HDAC10: variants seen among roughly 807,000 people sequenced by gnomAD.
HDAC10 encodes histone deacetylase 10.
Under a neutral mutation model 82.3 loss-of-function variants are expected in HDAC10, and 90 were observed. The observed-to-expected ratio is 1.09, with a 90% CI of 0.92 to 1.30. The LOEUF (loss-of-function observed/expected upper bound fraction) is 1.30. HDAC10 is among the 50% of genes most tolerant of loss of function. HDAC10 has a pLI of 0.00. For synonymous variants in HDAC10, 456 were observed against 391.7 expected (o/e 1.16, Z -1.94); for missense variants, 934 against 876.3 (o/e 1.07, Z -0.83).
Position 50,246,980 on chromosome 22 carries a change from A to G in HDAC10, c.1423-14T>C, listed in dbSNP as rs772081835. On this transcript the variant is annotated splice_polypyrimidine_tract_variant and intron_variant, in intron 14 of 19. Transcript: ENST00000216271. Reference sequence around the variant, plus strand: ...ACCACTGTTCACCTGTGGGATGAATAAACAGTGGAGAATGAGGCACCAACC... The same window carrying G: ...ACCACTGTTCACCTGTGGGATGAATGAACAGTGGAGAATGAGGCACCAACC... The G allele has an allele frequency of 6.4e-7, 1 of 1,563,014 alleles. No homozygotes were observed. The highest frequency in any genetic ancestry group is 8.7e-7 in the Non-Finnish European group (1 of 1,144,726).
At position 50,250,651 on chromosome 22, in the gene HDAC10, A is replaced by G; in HGVS notation, c.194+120T>C. 1.1e-5 allele frequency: 14 copies of G among 1,324,560 alleles called. 1 individual carries two copies. In the South Asian group the frequency reaches 1.9e-4, roughly 18 times the overall value. 82.1% of individuals were successfully genotyped at this position (1,324,560 alleles called of 1,614,324 possible). On this transcript the variant is annotated intron_variant, in intron 2 of 19. Transcript: ENST00000216271. ...TTCCTCAAGCCTGTGAGCCCACCCG[A>G]GGTGCATAGGGAGAGGCTCTGTATT...
chr22:50,248,981 A>G lies in HDAC10; in HGVS notation c.757-91T>C. 6.8e-7 allele frequency: 1 copy of G among 1,475,450 alleles called. No homozygotes were observed. The highest frequency in any genetic ancestry group is 1.9e-5 in the Admixed American group (1 of 52,286). 91.4% of individuals were successfully genotyped at this position (1,475,450 alleles called of 1,614,324 possible). A position where few individuals can be genotyped will look rare whatever the true frequency, so the allele number is the denominator to read the frequency against. ...AGGCCCATCCCATCCCCTCCTGAGC[A>G]CCTTCCCCAGCCACACAGGAGTGGG... On this transcript the variant is annotated intron_variant, in intron 8 of 19. Coordinates refer to ENST00000216271, the MANE Select transcript of HDAC10 (RefSeq NM_032019.6). The surrounding 1 kb of genome is among the most constrained non-coding windows in gnomAD (Gnocchi z 5.4).
chr22:50,248,721 C>T lies in HDAC10; in HGVS notation c.847G>A (p.Ala283Thr), dbSNP rs1236390633. The T allele has an allele frequency of 1.5e-5, 23 of 1,566,504 alleles. No homozygotes were observed. The highest frequency in any genetic ancestry group is 2.3e-5 in the East Asian group (1 of 43,094). Residue 283 changes from alanine (A) to threonine (T), a missense_variant, in exon 10 of 20, where the codon GCC becomes ACC. Transcript: ENST00000216271. This position sits in a 1 kb window ranked among gnomAD's most constrained non-coding sequence, Gnocchi z 5.4. ...GQMQATPECF[A>T]HLTQLLQVLA... ...ACCTGCAGCAGCTGTGTGAGGTGGG[C>T]GAAGCACTCTGGCGTGGCCTGCATT...
In HDAC10 at chr22:50,250,886, G is replaced by A; in HGVS notation, c.79C>T (p.Arg27Cys). ...LWDDPECEIE[R>C]PERLTAALDR... ...AGGGCTGCGGTCAGGCGCTCAGGAC[G>A]CTCGATCTCGCACTCGGGGCTGGGG... Residue 27 changes from arginine to cysteine, a missense_variant, in exon 2 of 20, where the codon CGT becomes TGT. Physicochemically the swap from Arg to Cys is radical, Grantham distance 180. Transcript: ENST00000216271. 1.2e-6 allele frequency: 2 copies of A among 1,601,378 alleles called. No homozygotes were observed. The highest frequency in any genetic ancestry group is 1.7e-6 in the Non-Finnish European group (2 of 1,174,252).
Position 50,245,859 on chromosome 22 carries a change from T to C in HDAC10, c.1834-32A>G, listed in dbSNP as rs773389854. 10 of 1,555,916 alleles carry C rather than the reference T, an allele frequency of 6.4e-6. No individual in the cohort carries two copies. Among genetic ancestry groups the C allele is most frequent in the Non-Finnish European group, 8.7e-6 (10 of 1,149,430 alleles). ...CAGGGGCGAAGACGGAAGCAGTCAC[T>C]GGTCCTTTCCCTCGTCCCACCCCGC... is the stretch of plus-strand genomic sequence containing the variant. On this transcript the variant is annotated intron_variant, in intron 18 of 19. Transcript: ENST00000216271.
chr22:50,249,228 G>GA lies in HDAC10; in HGVS notation c.691-61_691-60insT. On this transcript the variant is annotated intron_variant, in intron 7 of 19. Transcript: ENST00000216271. The surrounding 1 kb of genome is among the most constrained non-coding windows in gnomAD (Gnocchi z 4.4). Reference sequence around the variant, plus strand: ...GGGGCAGGGGAGGGGCCCGGGGGAGGGGGTGGGTGGGGACCTGGGGCTTGA... The same window carrying GA: ...GGGGCAGGGGAGGGGCCCGGGGGAGGAGGGTGGGTGGGGACCTGGGGCTTGA... 7.4e-7 allele frequency: 1 copy of GA among 1,349,256 alleles called. No individual in the cohort carries two copies. 83.6% of individuals were successfully genotyped at this position (1,349,256 alleles called of 1,614,324 possible).
Position 50,249,003 on chromosome 22 carries a change from T to C in HDAC10, c.756+100A>G. 7.0e-7 allele frequency: 1 copy of C among 1,437,902 alleles called. No homozygotes were observed. Among genetic ancestry groups the C allele is most frequent in the Non-Finnish European group, 9.6e-7 (1 of 1,042,004 alleles). 89.1% of individuals were successfully genotyped at this position (1,437,902 alleles called of 1,614,324 possible). On this transcript the variant is annotated intron_variant, in intron 8 of 19. Transcript: ENST00000216271. The surrounding 1 kb of genome is among the most constrained non-coding windows in gnomAD (Gnocchi z 4.4). Reference sequence around the variant, plus strand: ...AGCACCTTCCCCAGCCACACAGGAGTGGGACAGCTCATAACCCTCCTCCTG... The same window carrying C: ...AGCACCTTCCCCAGCCACACAGGAGCGGGACAGCTCATAACCCTCCTCCTG...
Position 50,251,006 on chromosome 22 carries a change from C to T in HDAC10, c.27G>A (p.Glu9=), listed in dbSNP as rs988481660. The T allele has an allele frequency of 2.5e-6, 4 of 1,612,418 alleles. No individual in the cohort carries two copies. Among genetic ancestry groups the T allele is most frequent in the Non-Finnish European group, 3.4e-6 (4 of 1,179,720 alleles). The change falls in exon 1 of 20, where the codon GAG becomes GAA. Residue 9 remains glutamate (E), a synonymous_variant. Transcript: ENST00000216271. MGTALVYH[E]DMTATRLLWD... ...AGAGCAGCCGGGTGGCCGTCATGTC[C>T]TCATGGTACACAAGCGCGGTCCCCA...
At chr22:50,245,649 G>C (rs779358377) in intron 19 of HDAC10, 26 bp downstream of exon 19, 34 of 1,612,546 alleles carry the variant, frequency 2.1e-5, no homozygotes, top group Non-Finnish European at 2.9e-5. Context: ...CCCAGGGCAG[G>C]GCCATGCCTC....
intron 19 of HDAC10, 43 bp from the exon 20 acceptor site, chr22:50,245,573 G>C (rs751598170): frequency 6.9e-7 from 1 of 1,455,400 alleles, no homozygotes. Context: ...GGCCTCCGGC[G>C]CTGGAGCTGG....
rs138919111 is a variant in HDAC10, at chr22:50,246,086, C to T, written c.1657G>A (p.Gly553Ser). The T allele has an allele frequency of 4.3e-4, 697 of 1,604,650 alleles. 4 individuals are homozygous for T. The African/African-American group carries it at 7.2e-3, about 17-fold the overall frequency. ...HVSTPLPVMTGGFLSCILGLV... is the reference protein window; with the variant it reads ...HVSTPLPVMTSGFLSCILGLV... The stretch of plus-strand genomic sequence containing the variant: ...CCCAAGATGCAGCTCAGGAAACCAC[C>T]GGTCATCTGTGGGGACAGCAGAGCC... Residue 553 changes from glycine to serine, a missense_variant, in exon 18 of 20, where the codon GGT (glycine) becomes AGT (serine). Transcript: ENST00000216271.
chr22:50,245,246 G>A lies in HDAC10; in HGVS notation c.*261C>T, dbSNP rs1207745626. 33 of 577,796 alleles carry A rather than the reference G, an allele frequency of 5.7e-5. No individual in the cohort carries two copies. The South Asian group carries it at 6.5e-4, about 11-fold the overall frequency. 35.8% of individuals were successfully genotyped at this position (577,796 alleles called of 1,614,324 possible). On this transcript the variant is annotated 3_prime_UTR_variant, in exon 20 of 20. Coordinates refer to ENST00000216271, the MANE Select transcript of HDAC10 (RefSeq NM_032019.6). ...GGAGCGAAGCGCAGCGGGGCGCAGG[G>A]GCCGGAACGGGACCGAGCGTGGGTT...
In HDAC10 at chr22:50,249,044, TC is replaced by T. The variant is rs1374388007; in HGVS notation, c.756+58del. On this transcript the variant is annotated intron_variant, in intron 8 of 19. Transcript: ENST00000216271. This position sits in a 1 kb window ranked among gnomAD's most constrained non-coding sequence, Gnocchi z 4.4. Reference sequence around the variant, plus strand: ...CCTCCTCCTGCCTTCACTGGCGCACTCCAGGCACAAGGTCCCCCTCCCACCC... The same window carrying T: ...CCTCCTCCTGCCTTCACTGGCGCACTCAGGCACAAGGTCCCCCTCCCACCC... 6 of 1,490,660 alleles carry T rather than the reference TC, an allele frequency of 4.0e-6. No individual in the cohort carries two copies. Among genetic ancestry groups the T allele is most frequent in the Non-Finnish European group, 5.5e-6 (6 of 1,089,904 alleles). 92.3% of individuals were successfully genotyped at this position (1,490,660 alleles called of 1,614,324 possible).
chr22:50,248,842 C>A lies in HDAC10; in HGVS notation c.805G>T (p.Gly269Trp). ...LVSAGFDSAI[G>W]DPEGQMQATP... ...GGCAAGGCCCTCACCTCAGGGTCCC[C>A]GATGGCTGAGTCAAATCCTGCCGAG... Residue 269 changes from glycine (G) to tryptophan (W), a missense_variant, in exon 9 of 20, where the codon GGG becomes TGG. Physicochemically the swap from Gly to Trp is radical, Grantham distance 184 (BLOSUM62 -2). Coordinates refer to ENST00000216271, the MANE Select transcript of HDAC10 (RefSeq NM_032019.6). This position sits in a 1 kb window ranked among gnomAD's most constrained non-coding sequence, Gnocchi z 5.4. The A allele has an allele frequency of 1.2e-6, 2 of 1,610,936 alleles. No individual in the cohort carries two copies. Among genetic ancestry groups the A allele is most frequent in the Non-Finnish European group, 1.7e-6 (2 of 1,179,186 alleles).
Position 50,248,494 on chromosome 22 carries a change from G to GA in HDAC10, c.907-23dup. ...CGCCCTGGGAGGAGGGTGGAGACAT[G>GA]ATTGGGGCAGAGATATCACTGGGAT... On this transcript the variant is annotated intron_variant, in intron 10 of 19. Coordinates refer to ENST00000216271, the MANE Select transcript of HDAC10 (RefSeq NM_032019.6). The surrounding 1 kb of genome is among the most constrained non-coding windows in gnomAD (Gnocchi z 5.4). 3 of 1,592,836 alleles carry GA rather than the reference G, an allele frequency of 1.9e-6. No homozygotes were observed. Among genetic ancestry groups the GA allele is most frequent in the Non-Finnish European group, 2.6e-6 (3 of 1,172,856 alleles).
At position 50,245,545 on chromosome 22, in the gene HDAC10, G is replaced by A. The variant is rs1002016040; in HGVS notation, c.1987-15C>T. The A allele has an allele frequency of 1.8e-5, 21 of 1,138,036 alleles. No individual in the cohort carries two copies. In the Admixed American group the frequency reaches 2.0e-4, roughly 11 times the overall value. 70.5% of individuals were successfully genotyped at this position (1,138,036 alleles called of 1,614,324 possible). ...TGAGGATGGCACTACAGGAGGAGCC[G>A]AGAAGAGGCGCGCAGTTGGCCTCCG... On this transcript the variant is annotated splice_polypyrimidine_tract_variant and intron_variant, in intron 19 of 19. Coordinates refer to ENST00000216271, the MANE Select transcript of HDAC10 (RefSeq NM_032019.6).
Position 50,246,631 on chromosome 22 carries a change from G to A in HDAC10, c.1571+48C>T, listed in dbSNP as rs369495521. On this transcript the variant is annotated intron_variant, in intron 16 of 19. Coordinates refer to ENST00000216271, the MANE Select transcript of HDAC10 (RefSeq NM_032019.6). ...GGGCCCAGGCACACGTCCATCACAT[G>A]CCCGTCCACATGCATGGCTGGACAT... is the stretch of plus-strand genomic sequence containing the variant. The A allele has an allele frequency of 2.9e-5, 45 of 1,533,112 alleles. No homozygotes were observed. In the African/African-American group the frequency reaches 4.0e-4, roughly 13 times the overall value. The allele number at this position is 1,533,112 out of a possible 1,614,324, so 95.0% of individuals were successfully genotyped here. A position where few individuals can be genotyped will look rare whatever the true frequency, so the allele number is the denominator to read the frequency against.
chr22:50,245,940 T>G lies in HDAC10; in HGVS notation c.1803A>C (p.Ala601=). 1 of 1,594,116 alleles carries G rather than the reference T, an allele frequency of 6.3e-7. No homozygotes were observed. Among genetic ancestry groups the G allele is most frequent in the Non-Finnish European group, 8.5e-7 (1 of 1,171,194 alleles). ...ALLAAMLRGL[A]GGRVLALLEE... ...CCAGGAGGGCCAGGACTCGGCCCCC[T>G]GCCAGCCCCCGAAGCATTGCAGCCA... The change falls in exon 18 of 20, where the codon GCA becomes GCC. Residue 601 remains alanine, a synonymous_variant. Transcript: ENST00000216271.
chr22:50,248,186 G>C lies in HDAC10; in HGVS notation c.1081+39C>G, dbSNP rs773275555. The C allele has an allele frequency of 3.7e-6, 6 of 1,601,792 alleles. No homozygotes were observed. In the East Asian group the frequency reaches 1.1e-4, roughly 30 times the overall value. ...AGTCATAGCCACTGCACAGGAGCCCGAGGTGGGATCCTGCAGCCTAGCACC... is the reference window on the plus strand; with the variant it reads ...AGTCATAGCCACTGCACAGGAGCCCCAGGTGGGATCCTGCAGCCTAGCACC... On this transcript the variant is annotated intron_variant, in intron 12 of 19. Transcript: ENST00000216271. The surrounding 1 kb of genome is among the most constrained non-coding windows in gnomAD (Gnocchi z 5.4).
Sources: allele counts gnomAD v4.1 joint callset, GRCh38; gene constraint gnomAD v4.1.1; non-coding constraint Gnocchi (gnomAD v3.1); transcripts MANE v1.5; gene names NCBI Gene and HGNC (gene_info 2026-07-23, HGNC 2026-07-21).